The following ST8SIA1 variants were observed in gnomAD, a reference collection of about 807,000 sequenced individuals.
ST8SIA1 encodes the protein alpha-N-acetylneuraminide alpha-2,8-sialyltransferase.
In ST8SIA1, 16 loss-of-function variants were observed where a neutral mutation model predicts 35.9. The observed-to-expected ratio is 0.45, with a 90% CI of 0.30 to 0.68. The LOEUF is 0.68. Ranked by LOEUF, ST8SIA1 falls within the 30% of genes least tolerant of loss-of-function variation. The probability of loss-of-function intolerance (pLI) is 0.09; values close to 1 mark genes in which losing one functional copy is unlikely to be tolerated. For synonymous variants in ST8SIA1, 170 were observed against 169.6 expected, an observed-to-expected ratio of 1.00 and a Z score of -0.02; for missense variants, 383 against 453.6, an observed-to-expected ratio of 0.84 and a Z score of 1.41.
chr12:22,207,320 T>G (rs1865122845), intron 4 of ST8SIA1, among the ~76,000 whole-genome samples: 1 of 152,240 alleles, frequency 6.6e-6, no homozygotes, highest in African/African-American at 2.4e-5. Context: ...GCGATATGTC[T>G]GGACTGAGAG....
chr12:22,281,747 C>T (rs948604309), intron 2 of ST8SIA1, among the ~76,000 whole-genome samples: 13 of 149,946 alleles, frequency 8.7e-5, no homozygotes, highest in African/African-American at 3.2e-4. Context: ...TTTTAGGAGG[C>T]CAAGATGGGT....
chr12:22,321,803 C>A (rs1866605864), intron 1 of ST8SIA1, among the ~76,000 whole-genome samples: 1 of 152,224 alleles, frequency 6.6e-6, no homozygotes, highest in Non-Finnish European at 1.5e-5. Context: ...TCACTGCCTA[C>A]TGACTCAGCT....
chr12:22,259,002 T>C (rs1431644808), intron 2 of ST8SIA1, among the ~76,000 whole-genome samples: 1 of 152,192 alleles, frequency 6.6e-6, no homozygotes, highest in Non-Finnish European at 1.5e-5. Flanking sequence ...CAGGCTTTCA[T>C]GAAATTCTAT....
At chr12:22,295,654 C>T (rs909955767) in intron 1 of ST8SIA1, among the ~76,000 whole-genome samples, 4 of 152,052 alleles carry the variant, frequency 2.6e-5, no homozygotes, top group African/African-American at 9.7e-5. Flanking sequence ...ATTGCTTGAG[C>T]CCAGGAGTTC....
At chr12:22,243,232 T>G (rs1865560050) in intron 4 of ST8SIA1, among the ~76,000 whole-genome samples, 1 of 152,176 alleles carries the variant, frequency 6.6e-6, no homozygotes, top group African/African-American at 2.4e-5. Context: ...GAATCAAGGT[T>G]TTGGAGACAG....
At chr12:22,309,244 C>T (rs1477588170) in intron 1 of ST8SIA1, among the ~76,000 whole-genome samples, 2 of 152,152 alleles carry the variant, frequency 1.3e-5, no homozygotes, top group African/African-American at 4.8e-5. Flanking sequence ...CTACCATTAG[C>T]TTTTCTTCCC....
chr12:22,313,103 C>T (rs569151976), intron 1 of ST8SIA1, among the ~76,000 whole-genome samples: 1 of 152,292 alleles, frequency 6.6e-6, no homozygotes, highest in African/African-American at 2.4e-5. Flanking sequence ...GCCCTATCTC[C>T]TACTACATAT....
intron 2 of ST8SIA1, among the ~76,000 whole-genome samples, chr12:22,284,763 A>G (rs1355319118): frequency 6.6e-6 from 1 of 152,252 alleles, no homozygotes; most frequent in Non-Finnish European, 1.5e-5. Context: ...ACAAAGAGGC[A>G]CAGAATTCAT....
At chr12:22,284,426 C>T (rs58290479) in intron 2 of ST8SIA1, among the ~76,000 whole-genome samples, 5,884 of 152,160 alleles carry the variant, frequency 0.039, 400 homozygotes, top group African/African-American at 0.13. Flanking sequence ...ATAAATGAAG[C>T]GTATCAATTA....
intron 1 of ST8SIA1, among the ~76,000 whole-genome samples, chr12:22,315,287 T>C (rs1262339954): frequency 6.6e-6 from 1 of 152,104 alleles, no homozygotes; most frequent in Non-Finnish European, 1.5e-5. Context: ...TTTTTCCTAC[T>C]CCTTATTCAT....
At chr12:22,272,855 A>G (rs1865927177) in intron 2 of ST8SIA1, among the ~76,000 whole-genome samples, 1 of 152,250 alleles carries the variant, frequency 6.6e-6, no homozygotes, top group Non-Finnish European at 1.5e-5. Flanking sequence ...GGGAGAAGGC[A>G]GAGACTGACT....
intron 2 of ST8SIA1, 145 bp downstream of exon 2, chr12:22,287,004 A>G (rs56083944): frequency 0.13 from 93,435 of 706,880 alleles, 7,031 homozygotes; most frequent in Middle Eastern, 0.22. Context: ...ACACACACAG[A>G]TGACAGATAT....
At chr12:22,249,765 C>T (rs1865648568) in intron 3 of ST8SIA1, among the ~76,000 whole-genome samples, 1 of 152,098 alleles carries the variant, frequency 6.6e-6, no homozygotes, top group African/African-American at 2.4e-5. Context: ...ATTCTTAGAC[C>T]TGAATTAAAG....
intron 4 of ST8SIA1, among the ~76,000 whole-genome samples, chr12:22,221,211 C>A (rs1260510130): frequency 6.6e-6 from 1 of 151,736 alleles, no homozygotes; most frequent in Non-Finnish European, 1.5e-5. Flanking sequence ...CAATTTACAT[C>A]ATCACCTGGA....
At chr12:22,300,469 G>A (rs1489581793) in intron 1 of ST8SIA1, among the ~76,000 whole-genome samples, 2 of 152,066 alleles carry the variant, frequency 1.3e-5, no homozygotes, top group Non-Finnish European at 1.5e-5. Context: ...GATTAGCAAG[G>A]TTTTCTTGAA....
intron 4 of ST8SIA1, among the ~76,000 whole-genome samples, chr12:22,211,551 T>C (rs1865176330): frequency 1.3e-5 from 2 of 152,218 alleles, no homozygotes; most frequent in South Asian, 2.1e-4. Context: ...AGATCAAATA[T>C]GTATTTCACA....
At chr12:22,285,966 T>C (rs1281623809) in intron 2 of ST8SIA1, among the ~76,000 whole-genome samples, 1 of 151,286 alleles carries the variant, frequency 6.6e-6, no homozygotes, top group East Asian at 1.9e-4. Context: ...CAAGTGCTGC[T>C]CTAGCCATCA....
In ST8SIA1 at chr12:22,287,158, G is replaced by A; in HGVS notation, c.372C>T (p.Leu124=). 1 of 1,613,874 alleles carries A rather than the reference G, an allele frequency of 6.2e-7. No homozygotes were observed. The highest frequency in any genetic ancestry group is 8.5e-7 in the Non-Finnish European group (1 of 1,179,826). ...CCAACTCTATACTAACCTGTGGGAA[G>A]AGAGAGTAAGTTGAATTGTCAATGG... ...SFTIDNSTYS[L]FPQATPFQLP... Residue 124 remains leucine (L), a synonymous_variant, in exon 2 of 5, where the codon CTC becomes CTT. Coordinates refer to ENST00000396037, the MANE Select transcript of ST8SIA1 (RefSeq NM_003034.4).
chr12:22,238,389 G>A (rs1236466777), intron 4 of ST8SIA1, among the ~76,000 whole-genome samples: 1 of 152,212 alleles, frequency 6.6e-6, no homozygotes, highest in Non-Finnish European at 1.5e-5. Context: ...CAATCATGCT[G>A]TGAGGGTGCC....
Sources: allele counts gnomAD v4.1 joint callset (sites outside exome capture counted in the v4.1 genomes callset), GRCh38; gene constraint gnomAD v4.1.1; transcripts MANE v1.5; gene names NCBI Gene and HGNC (gene_info 2026-07-23, HGNC 2026-07-21).